The following SAMSN1 variants were observed in gnomAD, a reference collection of about 807,000 sequenced individuals.
SAMSN1 encodes SAM domain-containing protein SAMSN-1.
SAMSN1 carries 31 observed loss-of-function variants against 42.0 expected under a neutral mutation model. That is an observed-to-expected ratio of 0.74 (90% CI 0.55 to 1.00). SAMSN1 has a LOEUF of 1.00. Ranked by LOEUF, SAMSN1 falls within the 50% of genes least tolerant of loss-of-function variation. SAMSN1 has a pLI of 0.00. For synonymous variants in SAMSN1, 178 were observed against 151.9 expected, an observed-to-expected ratio of 1.17 and a Z score of -1.26; for missense variants, 464 against 439.4, an observed-to-expected ratio of 1.06 and a Z score of -0.50.
intron 2 of SAMSN1, among the ~76,000 whole-genome samples, chr21:14,576,158 T>C (rs906764817): frequency 6.6e-6 from 1 of 152,120 alleles, no homozygotes; most frequent in Non-Finnish European, 1.5e-5. Flanking sequence ...CTGTAGGTTG[T>C]GGGGGAGGCG....
chr21:14,498,913 T>C (rs1361361767), intron 6 of SAMSN1, among the ~76,000 whole-genome samples: 2 of 152,204 alleles, frequency 1.3e-5, no homozygotes, highest in Non-Finnish European at 2.9e-5. Context: ...ACTAACTAAA[T>C]TGACAGAACT....
intron 4 of SAMSN1, among the ~76,000 whole-genome samples, chr21:14,510,852 G>T (rs1987660569): frequency 6.6e-6 from 1 of 152,242 alleles, no homozygotes; most frequent in South Asian, 2.1e-4. Flanking sequence ...CAATATTTCT[G>T]TCATAACAGG....
chr21:14,500,903 G>A (rs1025726100), intron 5 of SAMSN1, among the ~76,000 whole-genome samples, 168 bp from the exon 6 acceptor site: 3 of 152,216 alleles, frequency 2.0e-5, no homozygotes, highest in African/African-American at 7.2e-5. Context: ...TGGTGGCATG[G>A]TGGGTCATGC....
intron 2 of SAMSN1, among the ~76,000 whole-genome samples, chr21:14,581,417 G>C (rs1981724205): frequency 7.3e-6 from 1 of 136,438 alleles, no homozygotes; most frequent in Non-Finnish European, 1.5e-5. Flanking sequence ...GGAGGGCAGT[G>C]GCGCGATCTC....
At chr21:14,607,850 C>A in intron 5 of SAMSN1, among the ~76,000 whole-genome samples, 1 of 152,236 alleles carries the variant, frequency 6.6e-6, no homozygotes, top group East Asian at 1.9e-4. Flanking sequence ...ATTATACCTT[C>A]TTTATCCATA....
chr21:14,544,644 T>C (rs1023764561), intron 1 of SAMSN1, among the ~76,000 whole-genome samples: 2 of 152,144 alleles, frequency 1.3e-5, no homozygotes, highest in Non-Finnish European at 2.9e-5. Flanking sequence ...TGTTCAAAGA[T>C]GTATATTTTT....
At chr21:14,506,920 TAAAC>T (rs1255389473) in intron 5 of SAMSN1, among the ~76,000 whole-genome samples, 3 of 152,170 alleles carry the variant, frequency 2.0e-5, no homozygotes, top group Admixed American at 6.5e-5. Flanking sequence ...ATACACCACA[TAAAC>T]AGAATTAAAA....
intron 1 of SAMSN1, among the ~76,000 whole-genome samples, chr21:14,652,844 GTCTAATAA>G (rs935534839): frequency 2.0e-5 from 3 of 151,814 alleles, no homozygotes; most frequent in Admixed American, 2.0e-4. Flanking sequence ...ATAGGAAAAA[GTCTAATAA>G]TCTGATCAAA....
chr21:14,610,995 A>T (rs1982691565), intron 4 of SAMSN1, among the ~76,000 whole-genome samples: 1 of 152,150 alleles, frequency 6.6e-6, no homozygotes, highest in Non-Finnish European at 1.5e-5. Flanking sequence ...GTGTGATCAT[A>T]GCTCATTGTG....
intron 5 of SAMSN1, among the ~76,000 whole-genome samples, chr21:14,508,679 C>T (rs1367632987): frequency 6.6e-6 from 1 of 152,284 alleles, no homozygotes; most frequent in South Asian, 2.1e-4. Flanking sequence ...GTAGAACGAC[C>T]ATTTGATTCA....
chr21:14,521,082 G>T, intron 2 of SAMSN1, 68 bp downstream of exon 2: 2 of 973,912 alleles, frequency 2.1e-6, no homozygotes, highest in South Asian at 1.5e-5. Flanking sequence ...TTGCAAAAGT[G>T]ACATTGTCTT....
intron 1 of SAMSN1, among the ~76,000 whole-genome samples, chr21:14,531,862 C>T (rs1979287013): frequency 6.6e-6 from 1 of 152,110 alleles, no homozygotes; most frequent in Admixed American, 6.5e-5. Flanking sequence ...CTTAAAAGTC[C>T]TCTGCATTCA....
chr21:14,650,305 A>G (rs1297340569), intron 1 of SAMSN1, among the ~76,000 whole-genome samples: 1 of 152,150 alleles, frequency 6.6e-6, no homozygotes, highest in Non-Finnish European at 1.5e-5. Flanking sequence ...AAAGTCTTAA[A>G]ACATTAAATA....
intron 7 of SAMSN1, among the ~76,000 whole-genome samples, chr21:14,589,450 G>T (rs560472977): frequency 3.9e-5 from 6 of 152,038 alleles, no homozygotes; most frequent in Admixed American, 2.6e-4. Context: ...TTATTTGGAG[G>T]TTAAATATGG....
At chr21:14,530,884 A>G (rs1568791170) in intron 1 of SAMSN1, among the ~76,000 whole-genome samples, 1 of 152,208 alleles carries the variant, frequency 6.6e-6, no homozygotes, top group East Asian at 1.9e-4. Flanking sequence ...AATTCAAAAG[A>G]TGGATGACTG....
upstream of SAMSN1, among the ~76,000 whole-genome samples, chr21:14,549,644 T>A (rs11700725): frequency 0.28 from 41,898 of 152,040 alleles, 6,085 homozygotes; most frequent in African/African-American, 0.37. Context: ...AAGGTTGTCA[T>A]CACAGAACCC....
At chr21:14,630,690 A>G (rs918733425) in intron 2 of SAMSN1, among the ~76,000 whole-genome samples, 23 of 152,200 alleles carry the variant, frequency 1.5e-4, no homozygotes, top group Non-Finnish European at 4.4e-5. Flanking sequence ...TGTTTTACAT[A>G]TTGGCTTGTT....
intron 2 of SAMSN1, among the ~76,000 whole-genome samples, chr21:14,624,187 A>T (rs1983099134): frequency 6.6e-6 from 1 of 152,254 alleles, no homozygotes; most frequent in Admixed American, 6.5e-5. Context: ...AAGATCTAAA[A>T]TCAACACCCT....
At chr21:14,549,683 A>G (rs1980536712), upstream of SAMSN1, among the ~76,000 whole-genome samples, 1 of 152,186 alleles carries the variant, frequency 6.6e-6, no homozygotes, top group Non-Finnish European at 1.5e-5. Context: ...TAATGTAAGA[A>G]TAATCATTTT....
Sources: allele counts gnomAD v4.1 joint callset (sites outside exome capture counted in the v4.1 genomes callset), GRCh38; gene constraint gnomAD v4.1.1; transcripts MANE v1.5; gene names NCBI Gene and HGNC (gene_info 2026-07-23, HGNC 2026-07-21).